Variants in UBE3A observed in about 807,000 individuals in gnomAD.
The protein encoded by UBE3A is ubiquitin-protein ligase E3A.
UBE3A carries 6 observed loss-of-function variants against 83.4 expected under a neutral mutation model. The ratio of observed to expected loss-of-function variants is 0.07; its 90% confidence interval spans 0.04 to 0.14. The LOEUF (loss-of-function observed/expected upper bound fraction) is 0.14. Among genes scored for constraint, UBE3A ranks in the 10% least tolerant of loss-of-function variants. UBE3A has a pLI of 1.00. For synonymous variants in UBE3A, 337 were observed against 355.4 expected (o/e 0.95, Z 0.58); for missense variants, 456 against 1,036.1 (o/e 0.44, Z 7.69).
rs565129567 is a variant in UBE3A at position 25,338,283 on chromosome 15, T to G, written c.*854A>C. ...GCAATAGGCTTGACTACCATTTCAT[T>G]TGGCCAAATGCACTTTCCCCAGTAA... On this transcript the variant is annotated 3_prime_UTR_variant, in exon 13 of 13. Coordinates refer to ENST00000648336, the MANE Select transcript of UBE3A (RefSeq NM_130839.5). 3.3e-5 allele frequency: 5 copies of G among 152,182 alleles called. No individual in the cohort carries two copies. The East Asian group carries it at 9.6e-4, about 29-fold the overall frequency. The allele number at this position is 152,182 out of a possible 1,614,324, so 9.4% of individuals were successfully genotyped here.
rs1005669812 is a variant in UBE3A, at chr15:25,335,146, G to A, written c.*3991C>T. The A allele has an allele frequency of 6.6e-6, 1 of 152,174 alleles. No individual in the cohort carries two copies. The highest frequency in any genetic ancestry group is 1.5e-5 in the Non-Finnish European group (1 of 68,034). The allele number at this position is 152,174 out of a possible 1,614,324, so 9.4% of individuals were successfully genotyped here. A position where few individuals can be genotyped will look rare whatever the true frequency, so the allele number is the denominator to read the frequency against. ...TAAGACACTCTGTAAGAATCCCAGT[G>A]ACTCCTCACTGTTCAACTAAGAAAT... On this transcript the variant is annotated 3_prime_UTR_variant, in exon 13 of 13. Transcript: ENST00000648336.
At chr15:25,358,897 A>G (rs1395392151) in intron 7 of UBE3A, among the ~76,000 whole-genome samples, 2 of 152,236 alleles carry the variant, frequency 1.3e-5, no homozygotes, top group Non-Finnish European at 2.9e-5. Context: ...CAGGATCAAG[A>G]ACAGCTGACA....
intron 4 of UBE3A, among the ~76,000 whole-genome samples, chr15:25,389,036 T>G (rs945690849): frequency 1.3e-5 from 2 of 152,134 alleles, no homozygotes; most frequent in African/African-American, 4.8e-5. Context: ...AAAAGTCAGA[T>G]GGACACTACT....
chr15:25,403,805 T>C (rs1024204069), intron 4 of UBE3A, among the ~76,000 whole-genome samples: 2 of 152,128 alleles, frequency 1.3e-5, no homozygotes, highest in African/African-American at 2.4e-5. Flanking sequence ...ATGCTAAAGA[T>C]GGATGAAACT....
chr15:25,411,165 G>C (rs1315722421), intron 2 of UBE3A, among the ~76,000 whole-genome samples: 1 of 152,140 alleles, frequency 6.6e-6, no homozygotes, highest in African/African-American at 2.4e-5. Flanking sequence ...AGAAATCTTG[G>C]GCAAGTTACT....
intron 11 of UBE3A, among the ~76,000 whole-genome samples, chr15:25,352,789 A>C (rs1403200621): frequency 6.6e-6 from 1 of 152,234 alleles, no homozygotes; most frequent in Non-Finnish European, 1.5e-5. Flanking sequence ...AGCTGAATTT[A>C]GTTAGAAAAG....
intron 11 of UBE3A, among the ~76,000 whole-genome samples, chr15:25,351,298 A>G (rs1378783508): frequency 6.6e-6 from 1 of 152,186 alleles, no homozygotes; most frequent in African/African-American, 2.4e-5. Flanking sequence ...TAAAGGAAGG[A>G]GGAATAAAGA....
chr15:25,436,121 T>C (rs2153191684), intron 1 of UBE3A, among the ~76,000 whole-genome samples: 1 of 152,278 alleles, frequency 6.6e-6, no homozygotes, highest in South Asian at 2.1e-4. Flanking sequence ...AGATGTCTTG[T>C]TACTACATTT....
chr15:25,407,156 C>G, intron 3 of UBE3A: 1 of 1,348,442 alleles, frequency 7.4e-7, no homozygotes, highest in Middle Eastern at 2.1e-4. Flanking sequence ...TGATGATAAC[C>G]CCATGTACCA....
At chr15:25,392,418 T>C (rs1013858678) in intron 4 of UBE3A, among the ~76,000 whole-genome samples, 3 of 152,208 alleles carry the variant, frequency 2.0e-5, no homozygotes, top group African/African-American at 4.8e-5. Flanking sequence ...AGCTATTAGA[T>C]ACTTTCCCTT....
chr15:25,408,787 A>G (rs190025386), intron 3 of UBE3A: 1 of 980,326 alleles, frequency 1.0e-6, no homozygotes, highest in Admixed American at 2.9e-5. Context: ...TAAAATGCAT[A>G]TTAAGAAATT....
intron 4 of UBE3A, among the ~76,000 whole-genome samples, chr15:25,403,182 C>G (rs1007335291): frequency 6.6e-6 from 1 of 152,154 alleles, no homozygotes; most frequent in Non-Finnish European, 1.5e-5. Flanking sequence ...ACTAGTCACT[C>G]AGTGGAATGA....
chr15:25,435,731 C>T (rs1894863212), intron 1 of UBE3A, among the ~76,000 whole-genome samples: 3 of 152,174 alleles, frequency 2.0e-5, no homozygotes, highest in Admixed American at 2.0e-4. Context: ...ATAAGCCATG[C>T]TGTCTGTGGT....
chr15:25,415,041 T>C (rs553580795), intron 1 of UBE3A, among the ~76,000 whole-genome samples: 3 of 152,314 alleles, frequency 2.0e-5, no homozygotes, highest in South Asian at 2.1e-4. Context: ...ATTCAAACCC[T>C]AATTTGTCTG....
At chr15:25,425,654 T>C (rs996646267) in intron 1 of UBE3A, among the ~76,000 whole-genome samples, 3 of 152,164 alleles carry the variant, frequency 2.0e-5, no homozygotes, top group African/African-American at 7.2e-5. Flanking sequence ...AGTTTTAGAA[T>C]TGGCTATGAA....
At chr15:25,421,232 C>T (rs1013023083) in intron 1 of UBE3A, among the ~76,000 whole-genome samples, 6 of 152,140 alleles carry the variant, frequency 3.9e-5, no homozygotes, top group African/African-American at 7.2e-5. Context: ...CTCCTGCTCT[C>T]GCCATATGAC....
intron 1 of UBE3A, among the ~76,000 whole-genome samples, chr15:25,416,319 T>C (rs550570018): frequency 2.0e-5 from 3 of 152,222 alleles, no homozygotes; most frequent in Admixed American, 6.5e-5. Context: ...ATCACTTCCA[T>C]TCTTAAAATG....
rs927885312 is a variant in UBE3A at position 25,335,444 on chromosome 15, G to A, written c.*3693C>T. The stretch of plus-strand genomic sequence containing the variant: ...TAGCACAATGAAAAGGATTGGAAGA[G>A]GGAGATGAGAGTCAGGGAGTGAAAT... On this transcript the variant is annotated 3_prime_UTR_variant, in exon 13 of 13. Transcript: ENST00000648336. The A allele has an allele frequency of 3.3e-5, 5 of 152,256 alleles. 1 individual carries two copies. The highest frequency in any genetic ancestry group is 7.3e-5 in the Non-Finnish European group (5 of 68,088). The allele number at this position is 152,256 out of a possible 1,614,324, so 9.4% of individuals were successfully genotyped here. A position where few individuals can be genotyped will look rare whatever the true frequency, so the allele number is the denominator to read the frequency against.
intron 5 of UBE3A, chr15:25,374,872 C>T (rs942816328): frequency 2.6e-5 from 4 of 152,974 alleles, no homozygotes; most frequent in Non-Finnish European, 4.4e-5. Context: ...ACAAGGTAAT[C>T]GAATTCTGAA....
Sources: gnomAD v4.1 joint callset for allele counts (sites outside exome capture counted in the v4.1 genomes callset) on GRCh38, gnomAD v4.1.1 for gene constraint, MANE v1.5 for transcripts, NCBI Gene and HGNC (gene_info 2026-07-23, HGNC 2026-07-21) for gene names.